KSR2: variants seen among roughly 807,000 people sequenced by gnomAD.
KSR2 encodes kinase suppressor of ras 2.
A neutral mutation model predicts 107.8 loss-of-function variants in KSR2; 25 were observed. The ratio of observed to expected loss-of-function variants is 0.23; its 90% CI spans 0.17 to 0.32. The LOEUF is 0.32. KSR2 is among the 10% of genes least tolerant of loss of function. The pLI is 1.00. For synonymous variants in KSR2, 480 were observed against 507.0 expected (o/e 0.95, Z 0.71); for missense variants, 887 against 1,268.9 (o/e 0.70, Z 4.57).
intron 1 of KSR2, among the ~76,000 whole-genome samples, chr12:117,865,182 G>A (rs1893431173): frequency 6.6e-6 from 1 of 152,050 alleles, no homozygotes. Flanking sequence ...TAAAGTACAG[G>A]TTACAGTTAT....
intron 5 of KSR2, among the ~76,000 whole-genome samples, chr12:117,623,677 C>A (rs1319920454): frequency 6.6e-6 from 1 of 152,212 alleles, no homozygotes; most frequent in Non-Finnish European, 1.5e-5. Flanking sequence ...GTGAATAGTG[C>A]CACAATAAAC....
chr12:117,519,503 T>C (rs1045826234), intron 14 of KSR2, among the ~76,000 whole-genome samples: 30 of 152,100 alleles, frequency 2.0e-4, no homozygotes, highest in African/African-American at 7.0e-4. Context: ...GGGAACCACA[T>C]GATACGAAGC....
chr12:117,722,697 G>T (rs1480041459), intron 4 of KSR2, among the ~76,000 whole-genome samples: 1 of 152,100 alleles, frequency 6.6e-6, no homozygotes, highest in Non-Finnish European at 1.5e-5. Context: ...TAGCCCTCAG[G>T]GCTGCTCTGT....
At chr12:117,868,242 A>T (rs1170722412) in intron 1 of KSR2, among the ~76,000 whole-genome samples, 1 of 152,110 alleles carries the variant, frequency 6.6e-6, no homozygotes, top group Non-Finnish European at 1.5e-5. Flanking sequence ...ATTCTGGTCA[A>T]CATAGTGAAA....
intron 5 of KSR2, among the ~76,000 whole-genome samples, chr12:117,591,096 G>A (rs1341378561): frequency 6.6e-6 from 1 of 152,104 alleles, no homozygotes; most frequent in Non-Finnish European, 1.5e-5. Context: ...AGAAAAGGAG[G>A]ACATGCAAGC....
intron 1 of KSR2, among the ~76,000 whole-genome samples, chr12:117,934,071 T>C (rs1456788631): frequency 6.6e-6 from 1 of 152,232 alleles, no homozygotes; most frequent in East Asian, 1.9e-4. Flanking sequence ...CTTTACCCTT[T>C]TGATCCTTAT....
At chr12:117,758,055 T>A (rs1047590516) in intron 4 of KSR2, among the ~76,000 whole-genome samples, 6 of 152,300 alleles carry the variant, frequency 3.9e-5, no homozygotes, top group Non-Finnish European at 8.8e-5. Flanking sequence ...ATTAAAATAA[T>A]GCTATCAACC....
intron 3 of KSR2, among the ~76,000 whole-genome samples, chr12:117,809,755 C>T (rs372789345): frequency 7.2e-5 from 11 of 152,264 alleles, no homozygotes; most frequent in South Asian, 2.1e-4. Flanking sequence ...GTATCCCTCA[C>T]GCCCAGCCCA....
chr12:117,741,354 A>G (rs1264210809), intron 4 of KSR2, among the ~76,000 whole-genome samples: 1 of 136,706 alleles, frequency 7.3e-6, no homozygotes, highest in African/African-American at 2.8e-5. Context: ...CAGTCTGTAC[A>G]AAAAAAAAAA....
At chr12:117,598,864 C>T (rs916276681) in intron 5 of KSR2, among the ~76,000 whole-genome samples, 1 of 151,942 alleles carries the variant, frequency 6.6e-6, no homozygotes, top group Non-Finnish European at 1.5e-5. Flanking sequence ...TGTATGTGAC[C>T]TAGCAGCCTG....
At chr12:117,770,687 G>C (rs547377158) in intron 3 of KSR2, among the ~76,000 whole-genome samples, 2 of 151,800 alleles carry the variant, frequency 1.3e-5, no homozygotes, top group African/African-American at 4.8e-5. Flanking sequence ...GACAGTTATC[G>C]GTCGGGCGCG....
chr12:117,471,102 T>A, intron 18 of KSR2, 89 bp downstream of exon 18: 1 of 1,509,348 alleles, frequency 6.6e-7, no homozygotes, highest in Non-Finnish European at 8.9e-7. Flanking sequence ...GGAAAGCATT[T>A]GTAACCTTAA....
intron 5 of KSR2, 61 bp downstream of exon 5, chr12:117,667,413 T>C: frequency 6.7e-7 from 1 of 1,484,116 alleles, no homozygotes; most frequent in Non-Finnish European, 9.2e-7. Flanking sequence ...GGACAGCAGG[T>C]GCTGGGGAGA....
At chr12:117,882,366 A>ACACC (rs1443107041) in intron 1 of KSR2, among the ~76,000 whole-genome samples, 1 of 152,126 alleles carries the variant, frequency 6.6e-6, no homozygotes, top group Admixed American at 6.6e-5. Flanking sequence ...ACACACAAAC[A>ACACC]CACCCACACT....
At chr12:117,528,641 G>C (rs1875393164) in intron 12 of KSR2, among the ~76,000 whole-genome samples, 1 of 152,218 alleles carries the variant, frequency 6.6e-6, no homozygotes, top group Non-Finnish European at 1.5e-5. Flanking sequence ...ATTATTCATA[G>C]CACAGCCTGG....
intron 9 of KSR2, among the ~76,000 whole-genome samples, chr12:117,550,426 C>T (rs1480352868): frequency 6.6e-6 from 1 of 152,170 alleles, no homozygotes; most frequent in African/African-American, 2.4e-5. Context: ...ACCCTCCAAC[C>T]CAACAGCCTT....
At chr12:117,778,419 A>G (rs1021545462) in intron 3 of KSR2, among the ~76,000 whole-genome samples, 8 of 152,204 alleles carry the variant, frequency 5.3e-5, no homozygotes, top group Non-Finnish European at 5.9e-5. Context: ...TCATAAATTA[A>G]AGCTGCCATG....
At position 117,795,909 on chromosome 12, in the gene KSR2, C is replaced by T. The variant is rs533119148; in HGVS notation, c.473-34385G>A. On this transcript the variant is annotated intron_variant, in intron 3 of 19. Transcript: ENST00000339824. ...TACAGACATGAGCCGCCACATCTGG[C>T]CAAAGCCTGTGTTGTTGTTATTGTT... Among the ~76,000 whole-genome samples the T allele has an allele frequency of 6.6e-5, 10 of 152,198 alleles. No homozygotes were observed. In the South Asian group the frequency reaches 1.7e-3, roughly 25 times the overall value.
At chr12:117,550,285 A>G (rs890257435) in intron 9 of KSR2, among the ~76,000 whole-genome samples, 3 of 152,158 alleles carry the variant, frequency 2.0e-5, no homozygotes, top group East Asian at 1.9e-4. Context: ...AGAAATTCAC[A>G]TCTGACTCTG....
Sources: allele counts gnomAD v4.1 joint callset (sites outside exome capture counted in the v4.1 genomes callset), GRCh38; gene constraint gnomAD v4.1.1; transcripts MANE v1.5; gene names NCBI Gene and HGNC (gene_info 2026-07-23, HGNC 2026-07-21).